Variants in C12orf71 observed in about 807,000 individuals in gnomAD.
C12orf71 encodes chromosome 12 open reading frame 71.
Under a neutral mutation model 11.7 loss-of-function variants are expected in C12orf71, and 10 were observed. That is an observed-to-expected ratio of 0.86 (90% CI 0.53 to 1.45). The LOEUF is 1.45. Among genes scored for constraint, C12orf71 ranks in the 40% most tolerant of loss-of-function variants. The pLI is 0.00. For missense variants in C12orf71, 293 were observed against 325.8 expected (o/e 0.90, Z 0.78); for synonymous variants, 110 against 123.4 (o/e 0.89, Z 0.72).
chr12:27,083,941 C>A (rs1030413608), upstream of C12orf71, among the ~76,000 whole-genome samples: 1 of 152,176 alleles, frequency 6.6e-6, no homozygotes, highest in Non-Finnish European at 1.5e-5. Context: ...AGAATGTGCA[C>A]GTGCATGCAC....
upstream of C12orf71, among the ~76,000 whole-genome samples, chr12:27,083,386 A>C (rs1356761046): frequency 6.6e-6 from 1 of 152,248 alleles, no homozygotes; most frequent in African/African-American, 2.4e-5. Flanking sequence ...ATCTTGTATC[A>C]TAAAAGAAAA....
At position 27,082,146 on chromosome 12, in the gene C12orf71, T is replaced by A. The variant is rs1375791334; in HGVS notation, c.338A>T (p.Asn113Ile). ...SRANRLLNGD[N>I]LWIDKLPKER... ...TTTTGGTAACTTGTCTATCCACAGG[T>A]TGTCTCCATTTAGAAGCCTATTAGC... The change falls in exon 1 of 2, where the codon AAC (asparagine) becomes ATC (isoleucine). Residue 113 changes from asparagine (N) to isoleucine (I), a missense_variant. Transcript: ENST00000429849. 6.2e-7 allele frequency: 1 copy of A among 1,613,752 alleles called. No individual in the cohort carries two copies. The highest frequency in any genetic ancestry group is 8.5e-7 in the Non-Finnish European group (1 of 1,179,776).
rs1392321049 is a variant in C12orf71 at position 27,082,199 on chromosome 12, G to A, written c.285C>T (p.Asp95=). 1.2e-6 allele frequency: 2 copies of A among 1,613,900 alleles called. No individual in the cohort carries two copies. The highest frequency in any genetic ancestry group is 1.7e-5 in the Admixed American group (1 of 60,002). The change falls in exon 1 of 2, where the codon GAC becomes GAT. Residue 95 remains aspartate (D), a synonymous_variant. Transcript: ENST00000429849. ...KLSIFLAWDV[D]IGSDNTDSRA... is the part of the protein sequence containing the mutation. ...TTGAGTCTGTGTTATCGGAGCCAAT[G>A]TCCACGTCCCAGGCCAGGAAGATGC...
rs763098046 is a variant in C12orf71 at position 27,082,202 on chromosome 12, C to T, written c.282G>A (p.Val94=). 9 of 1,613,946 alleles carry T rather than the reference C, an allele frequency of 5.6e-6. No individual in the cohort carries two copies. Among genetic ancestry groups the T allele is most frequent in the Non-Finnish European group, 6.8e-6 (8 of 1,179,886 alleles). Reference sequence around the variant, plus strand: ...AGTCTGTGTTATCGGAGCCAATGTCCACGTCCCAGGCCAGGAAGATGCTTA... The same window carrying T: ...AGTCTGTGTTATCGGAGCCAATGTCTACGTCCCAGGCCAGGAAGATGCTTA... ...CKLSIFLAWD[V]DIGSDNTDSR... Residue 94 remains valine, a synonymous_variant, in exon 1 of 2, where the codon GTG becomes GTA. Coordinates refer to ENST00000429849, the MANE Select transcript of C12orf71 (RefSeq NM_001080406.2).
upstream of C12orf71, chr12:27,082,631 A>G (rs577802235): frequency 3.3e-5 from 19 of 570,810 alleles, no homozygotes; most frequent in Admixed American, 5.5e-4. Context: ...TTTTTTTGAG[A>G]CGAAGTCTCA....
rs1941935026 is a variant in C12orf71 at position 27,081,787 on chromosome 12, TA to T, written c.516+180del. 1.2e-5 allele frequency: 9 copies of T among 758,728 alleles called. No homozygotes were observed. In the South Asian group the frequency reaches 1.3e-4, roughly 11 times the overall value. 47.0% of individuals were successfully genotyped at this position (758,728 alleles called of 1,614,324 possible). A position where few individuals can be genotyped will look rare whatever the true frequency, so the allele number is the denominator to read the frequency against. ...GGGACCTGCCTCCTCCTAGTGGTCA[TA>T]AGATTCTGTGGTTCAACCCAGGCCT... On this transcript the variant is annotated intron_variant, in intron 1 of 1. Transcript: ENST00000429849.
At chr12:27,083,401 G>A (rs1941953298), upstream of C12orf71, among the ~76,000 whole-genome samples, 1 of 152,148 alleles carries the variant, frequency 6.6e-6, no homozygotes, top group African/African-American at 2.4e-5. Flanking sequence ...AGAAAAGGAT[G>A]ATCATTGTAT....
Position 27,082,550 on chromosome 12 carries a change from G to A in C12orf71, c.-67C>T. Reference sequence around the variant, plus strand: ...AAAAAAGAAAAAAGAAAAAATAGGTGGGACTAAGGAGAAGAGAGTCATAGT... The same window carrying A: ...AAAAAAGAAAAAAGAAAAAATAGGTAGGACTAAGGAGAAGAGAGTCATAGT... On this transcript the variant is annotated 5_prime_UTR_variant, in exon 1 of 2. Transcript: ENST00000429849. 7.8e-7 allele frequency: 1 copy of A among 1,286,836 alleles called. No homozygotes were observed. The highest frequency in any genetic ancestry group is 1.0e-6 in the Non-Finnish European group (1 of 966,886). The allele number at this position is 1,286,836 out of a possible 1,614,324, so 79.7% of individuals were successfully genotyped here.
In C12orf71 at chr12:27,082,203, A is replaced by G. The variant is rs1395662526; in HGVS notation, c.281T>C (p.Val94Ala). The G allele has an allele frequency of 1.5e-5, 25 of 1,613,900 alleles. No individual in the cohort carries two copies. Among genetic ancestry groups the G allele is most frequent in the Non-Finnish European group, 2.0e-5 (24 of 1,179,902 alleles). The part of the protein sequence containing the change: ...CKLSIFLAWD[V>A]DIGSDNTDSR... ...GTCTGTGTTATCGGAGCCAATGTCC[A>G]CGTCCCAGGCCAGGAAGATGCTTAG... Residue 94 changes from valine to alanine, a missense_variant, in exon 1 of 2, where the codon GTG (valine) becomes GCG (alanine). Val to Ala is a moderately conservative substitution (Grantham distance 64). Transcript: ENST00000429849.
In C12orf71 at chr12:27,081,331, C is replaced by G. The variant is rs778219416; in HGVS notation, c.653G>C (p.Ser218Thr). The G allele has an allele frequency of 1.2e-6, 2 of 1,613,998 alleles. No homozygotes were observed. The highest frequency in any genetic ancestry group is 1.7e-5 in the Admixed American group (1 of 60,028). Residue 218 changes from serine to threonine, a missense_variant, in exon 2 of 2, where the codon AGC becomes ACC. By Grantham distance (58) the Ser-to-Thr change is moderately conservative (BLOSUM62 1). Transcript: ENST00000429849. ...GGGGAGGATACGCTGCCTCAGCCAG[C>G]TGAAGGCCCACCCAAAGTTCAGGCA... ...QCCLNFGWAF[S>T]WLRQRILPSL...
chr12:27,081,449 C>CG lies in C12orf71; in HGVS notation c.534dup (p.Ala179ArgfsTer22). 2 of 1,608,748 alleles carry CG rather than the reference C, an allele frequency of 1.2e-6. No individual in the cohort carries two copies. Among genetic ancestry groups the CG allele is most frequent in the Non-Finnish European group, 1.7e-6 (2 of 1,176,082 alleles). On this transcript the variant is annotated frameshift_variant, in exon 2 of 2. Transcript: ENST00000429849. LOFTEE classifies it low-confidence loss of function (END_TRUNC). ...TCTGGAGCGCTTGTCCTTTGGCTGG[C>CG]GGTTGCCTGGCTTATCATCTGCCAT...
chr12:27,083,929 G>C (rs1161712393), upstream of C12orf71, among the ~76,000 whole-genome samples: 1 of 152,198 alleles, frequency 6.6e-6, no homozygotes, highest in Non-Finnish European at 1.5e-5. Context: ...AGTAGGGCTG[G>C]AAGAATGTGC....
intron 1 of C12orf71, chr12:27,081,718 C>A (rs1941934249): frequency 1.4e-6 from 1 of 697,566 alleles, no homozygotes; most frequent in Admixed American, 2.1e-5. Flanking sequence ...TTCACCCTGA[C>A]TCCTTTCCTT....
upstream of C12orf71, among the ~76,000 whole-genome samples, chr12:27,083,938 G>A (rs1263685263): frequency 1.3e-5 from 2 of 152,184 alleles, no homozygotes; most frequent in African/African-American, 4.8e-5. Flanking sequence ...GGAAGAATGT[G>A]CACGTGCATG....
upstream of C12orf71, among the ~76,000 whole-genome samples, chr12:27,082,850 T>C (rs1251455452): frequency 6.6e-6 from 1 of 152,148 alleles, no homozygotes; most frequent in Non-Finnish European, 1.5e-5. Context: ...GTGCTGGGAT[T>C]ATAGGTGTGA....
chr12:27,083,935 T>A (rs997959546), upstream of C12orf71, among the ~76,000 whole-genome samples: 4 of 152,204 alleles, frequency 2.6e-5, no homozygotes, highest in African/African-American at 7.2e-5. Flanking sequence ...GCTGGAAGAA[T>A]GTGCACGTGC....
upstream of C12orf71, among the ~76,000 whole-genome samples, chr12:27,083,103 G>C (rs1941951345): frequency 6.6e-6 from 1 of 151,976 alleles, no homozygotes; most frequent in Non-Finnish European, 1.5e-5. Context: ...ACCATGCCCA[G>C]CTAATTTTTT....
intron 1 of C12orf71, 87 bp downstream of exon 1, chr12:27,081,881 A>G: frequency 1.5e-6 from 2 of 1,310,640 alleles, no homozygotes; most frequent in Non-Finnish European, 2.1e-6. Context: ...GCCTTAGAGG[A>G]GTCTGTGGAG....
chr12:27,081,691 A>C (rs544461288), intron 1 of C12orf71, among the ~76,000 whole-genome samples: 169 of 146,304 alleles, frequency 1.2e-3, no homozygotes, highest in Non-Finnish European at 2.2e-3. Context: ...CAGCATTCCC[A>C]GTCTTTTCCC....
Sources: allele counts gnomAD v4.1 joint callset (sites outside exome capture counted in the v4.1 genomes callset), GRCh38; gene constraint gnomAD v4.1.1; transcripts MANE v1.5; gene names NCBI Gene and HGNC (gene_info 2026-07-23, HGNC 2026-07-21).